The following MAGI1 variants were observed in gnomAD, a reference collection of about 807,000 sequenced individuals.
The protein encoded by MAGI1 is membrane associated guanylate kinase, WW and PDZ domain containing 1, also known as membrane-associated guanylate kinase, WW and PDZ domain-containing protein 1.
In MAGI1, 58 loss-of-function variants were observed where a neutral mutation model predicts 139.9. The ratio of observed to expected loss-of-function variants is 0.41; its 90% confidence interval spans 0.34 to 0.52. MAGI1 has a LOEUF of 0.52. Among genes scored for constraint, MAGI1 ranks in the 20% least tolerant of loss-of-function variants. The probability of loss-of-function intolerance (pLI) is 0.12; values close to 1 mark genes in which losing one functional copy is unlikely to be tolerated. For synonymous variants in MAGI1, 812 were observed against 737.9 expected (o/e 1.10, Z -1.63); for missense variants, 1,874 against 1,901.6 (o/e 0.99, Z 0.27).
intron 1 of MAGI1, among the ~76,000 whole-genome samples, chr3:65,945,783 G>C (rs2063520671): frequency 6.6e-6 from 1 of 152,124 alleles, no homozygotes; most frequent in Non-Finnish European, 1.5e-5. Flanking sequence ...CTGTGATTCT[G>C]GGGACTACCC....
At chr3:65,860,495 C>T (rs376885883) in intron 1 of MAGI1, among the ~76,000 whole-genome samples, 3 of 152,162 alleles carry the variant, frequency 2.0e-5, no homozygotes, top group South Asian at 2.1e-4. Flanking sequence ...GCCACCGATC[C>T]GGGCAGCCCG....
chr3:65,761,103 A>G (rs192077037), intron 1 of MAGI1, among the ~76,000 whole-genome samples: 11 of 152,330 alleles, frequency 7.2e-5, no homozygotes, highest in African/African-American at 2.4e-4. Flanking sequence ...CACAGGATAG[A>G]TGCAGCTGAA....
chr3:65,743,709 C>CA (rs879491150), intron 1 of MAGI1, among the ~76,000 whole-genome samples: 4,476 of 130,292 alleles, frequency 0.034, 225 homozygotes, highest in African/African-American at 0.12. Context: ...GACTCCATCT[C>CA]AAAAAAAAAA....
chr3:65,447,395 T>C (rs1187873475), intron 7 of MAGI1, among the ~76,000 whole-genome samples: 1 of 152,216 alleles, frequency 6.6e-6, no homozygotes. Context: ...AGTCAAGACT[T>C]GATTTGCATT....
chr3:65,439,213 T>G (rs1948066119), intron 9 of MAGI1, among the ~76,000 whole-genome samples: 1 of 152,132 alleles, frequency 6.6e-6, no homozygotes, highest in South Asian at 2.1e-4. Context: ...TTAGCCAACT[T>G]AGTAATATGT....
intron 2 of MAGI1, among the ~76,000 whole-genome samples, chr3:65,514,544 A>C (rs1209038033): frequency 6.7e-6 from 1 of 150,132 alleles, no homozygotes; most frequent in Non-Finnish European, 1.5e-5. Flanking sequence ...TGCAGCCAAA[A>C]AACACATGAA....
At chr3:66,026,505 A>G (rs2068269072) in intron 1 of MAGI1, among the ~76,000 whole-genome samples, 1 of 151,944 alleles carries the variant, frequency 6.6e-6, no homozygotes. Flanking sequence ...AATTCAATTC[A>G]ACAGATATTC....
intron 1 of MAGI1, among the ~76,000 whole-genome samples, chr3:65,671,374 C>T (rs1414421451): frequency 6.6e-6 from 1 of 152,132 alleles, no homozygotes. Flanking sequence ...GACTAGATAC[C>T]AGGAGCAATC....
intron 1 of MAGI1, among the ~76,000 whole-genome samples, chr3:65,650,855 C>A (rs527503408): frequency 2.0e-5 from 3 of 152,244 alleles, no homozygotes; most frequent in African/African-American, 7.2e-5. Context: ...AACTACTATA[C>A]GATTCTTACA....
At chr3:65,375,665 GAGAGAA>G in intron 18 of MAGI1, 74 bp downstream of exon 18, 1 of 1,193,136 alleles carries the variant, frequency 8.4e-7, no homozygotes, top group Admixed American at 1.9e-5. Flanking sequence ...TAATCAAAGA[GAGAGAA>G]AGAGAAAAGG....
chr3:65,453,205 C>A, intron 6 of MAGI1, 53 bp downstream of exon 6: 1 of 1,515,176 alleles, frequency 6.6e-7, no homozygotes, highest in Non-Finnish European at 9.2e-7. Flanking sequence ...AAAATTTGCA[C>A]ATGTGAACAG....
intron 1 of MAGI1, among the ~76,000 whole-genome samples, chr3:65,935,948 G>A (rs2063030305): frequency 6.6e-6 from 1 of 152,198 alleles, no homozygotes; most frequent in Admixed American, 6.5e-5. Flanking sequence ...GGTGAACTCG[G>A]CAGATGAGTA....
rs958165299 is a variant in MAGI1, at chr3:65,728,602, T to C, written c.314-106514A>G. 2.0e-4 allele frequency among the ~76,000 whole-genome samples: 30 copies of C among 152,138 alleles called. 1 individual carries two copies. The highest frequency in any genetic ancestry group is 5.6e-4 in the African/African-American group (23 of 41,438). ...TCCTGGAGAAATAAGTCAAACTAGA[T>C]AGTCATTCAGCTAAGCAAAGAGCAG... On this transcript the variant is annotated intron_variant, in intron 1 of 22. Transcript: ENST00000402939.
At chr3:66,035,876 A>G (rs1420562948) in intron 1 of MAGI1, among the ~76,000 whole-genome samples, 2 of 152,300 alleles carry the variant, frequency 1.3e-5, no homozygotes, top group East Asian at 1.9e-4. Context: ...CTCCATGATG[A>G]GAGAGCCCTG....
At position 65,946,979 on chromosome 3, in the gene MAGI1, T is replaced by C. The variant is rs117201532; in HGVS notation, c.313+91017A>G. ...TGCAAAACTCTACAACTGAAGTGTTTCACCTCAGTATTTTATATGAATTAA... is the reference window on the plus strand; with the variant it reads ...TGCAAAACTCTACAACTGAAGTGTTCCACCTCAGTATTTTATATGAATTAA... On this transcript the variant is annotated intron_variant, in intron 1 of 22. Coordinates refer to ENST00000402939, the MANE Select transcript of MAGI1 (RefSeq NM_001033057.2). Among the ~76,000 whole-genome samples, 1,142 of 152,334 alleles carry C rather than the reference T, an allele frequency of 7.5e-3. 10 individuals carry two copies. Among genetic ancestry groups the C allele is most frequent in the East Asian group, 0.043 (221 of 5,182 alleles).
intron 1 of MAGI1, among the ~76,000 whole-genome samples, chr3:66,004,204 A>C (rs1057011426): frequency 1.3e-5 from 2 of 152,268 alleles, no homozygotes; most frequent in African/African-American, 4.8e-5. Flanking sequence ...TTGTGGCATA[A>C]AACAACCCTT....
intron 1 of MAGI1, among the ~76,000 whole-genome samples, chr3:65,869,811 C>A (rs2108482868): frequency 6.6e-6 from 1 of 152,290 alleles, no homozygotes; most frequent in Middle Eastern, 3.4e-3. Context: ...ATCCTGGCCG[C>A]TTGGTGTCTC....
In MAGI1 at chr3:65,797,892, C is replaced by T. The variant is rs540604456; in HGVS notation, c.314-175804G>A. ...ATCTAAGGATACACTCAAATCTAAG[C>T]GTAACCTTGGATTGGACTGTGCTGT... On this transcript the variant is annotated intron_variant, in intron 1 of 22. Coordinates refer to ENST00000402939, the MANE Select transcript of MAGI1 (RefSeq NM_001033057.2). Among the ~76,000 whole-genome samples, 22 of 152,264 alleles carry T rather than the reference C, an allele frequency of 1.4e-4. No individual in the cohort carries two copies. In the South Asian group the frequency reaches 2.3e-3, roughly 16 times the overall value.
At chr3:65,794,575 G>A (rs2039997187) in intron 1 of MAGI1, among the ~76,000 whole-genome samples, 1 of 152,048 alleles carries the variant, frequency 6.6e-6, no homozygotes, top group African/African-American at 2.4e-5. Context: ...TGGTGTCAAT[G>A]GTGAACCTTT....
Sources: allele counts gnomAD v4.1 joint callset (sites outside exome capture counted in the v4.1 genomes callset), GRCh38; gene constraint gnomAD v4.1.1; transcripts MANE v1.5; gene names NCBI Gene and HGNC (gene_info 2026-07-23, HGNC 2026-07-21).